Variants in MACROD2 observed in about 807,000 individuals in gnomAD.
MACROD2 encodes mono-ADP ribosylhydrolase 2.
Under a neutral mutation model 70.4 loss-of-function variants are expected in MACROD2, and 36 were observed. That is an observed-to-expected ratio of 0.51 (90% CI 0.39 to 0.68). The LOEUF is 0.68. Ranked by LOEUF, MACROD2 falls within the 30% of genes least tolerant of loss-of-function variation. The pLI is 0.00. For missense variants in MACROD2, 496 were observed against 538.4 expected, an observed-to-expected ratio of 0.92 and a Z score of 0.78; for synonymous variants, 172 against 178.8, an observed-to-expected ratio of 0.96 and a Z score of 0.30.
intron 5 of MACROD2, among the ~76,000 whole-genome samples, chr20:14,926,525 G>A (rs2074234259): frequency 6.6e-6 from 1 of 151,118 alleles, no homozygotes; most frequent in South Asian, 2.1e-4. Flanking sequence ...ACTCCAGCCT[G>A]GTGACAGAGC....
At chr20:15,434,091 T>C (rs867813199) in intron 7 of MACROD2, among the ~76,000 whole-genome samples, 3 of 151,926 alleles carry the variant, frequency 2.0e-5, no homozygotes, top group Non-Finnish European at 4.4e-5. Flanking sequence ...ATAAAAATTC[T>C]GGAAGAAAAC....
intron 4 of MACROD2, among the ~76,000 whole-genome samples, chr20:14,544,034 C>A (rs2085463658): frequency 6.6e-6 from 1 of 152,100 alleles, no homozygotes; most frequent in Non-Finnish European, 1.5e-5. Context: ...AGACATTATC[C>A]CTGCTCTAAA....
chr20:14,246,609 A>G (rs1311647996), intron 3 of MACROD2, among the ~76,000 whole-genome samples: 3 of 152,168 alleles, frequency 2.0e-5, no homozygotes, highest in South Asian at 2.1e-4. Flanking sequence ...ACCTTCCGGA[A>G]TGAGAGATAT....
chr20:15,037,493 A>C (rs575149525), intron 5 of MACROD2, among the ~76,000 whole-genome samples: 2 of 152,306 alleles, frequency 1.3e-5, no homozygotes, highest in South Asian at 4.1e-4. Context: ...TTTGTGGTAC[A>C]ACTCTTTAGG....
intron 4 of MACROD2, among the ~76,000 whole-genome samples, chr20:14,635,342 G>A (rs369350533): frequency 6.6e-6 from 1 of 152,068 alleles, no homozygotes; most frequent in Non-Finnish European, 1.5e-5. Context: ...ACACCCACTA[G>A]CAAAGGTGAC....
chr20:15,784,519 G>C (rs1450686112), intron 8 of MACROD2, among the ~76,000 whole-genome samples: 1 of 152,056 alleles, frequency 6.6e-6, no homozygotes, highest in Admixed American at 6.5e-5. Flanking sequence ...TTGTCAAAGG[G>C]CTGCACAAGA....
chr20:15,322,622 T>G lies in MACROD2; in HGVS notation c.540+92561T>G, dbSNP rs148622739. Among the ~76,000 whole-genome samples, 907 of 144,196 alleles carry G rather than the reference T, an allele frequency of 6.3e-3. 151 individuals are homozygous for G. The highest frequency in any genetic ancestry group is 0.028 in the Middle Eastern group (8 of 286). The allele number at this position is 144,196 out of a possible 152,430, so 94.6% of individuals were successfully genotyped here. On this transcript the variant is annotated intron_variant, in intron 6 of 17. Coordinates refer to ENST00000684519, the MANE Select transcript of MACROD2 (RefSeq NM_001351661.2). ...TTATTCACTTATGGAAAGGAGTGAG[T>G]ATTTTTGGTCAAAGTAATTTAGGTT... is the stretch of plus-strand genomic sequence containing the variant.
intron 4 of MACROD2, among the ~76,000 whole-genome samples, chr20:14,618,656 G>A (rs564129673): frequency 3.3e-5 from 5 of 152,260 alleles, no homozygotes; most frequent in African/African-American, 7.2e-5. Flanking sequence ...GGGTTTCAGC[G>A]TGGGGTGCTG....
intron 10 of MACROD2, among the ~76,000 whole-genome samples, chr20:15,931,516 C>T (rs1451901426): frequency 6.6e-6 from 1 of 151,942 alleles, no homozygotes; most frequent in African/African-American, 2.4e-5. Context: ...GTGGCATGTG[C>T]CTTGTAGACC....
At chr20:15,810,603 C>A (rs372749109) in intron 8 of MACROD2, among the ~76,000 whole-genome samples, 2 of 152,078 alleles carry the variant, frequency 1.3e-5, no homozygotes, top group African/African-American at 2.4e-5. Flanking sequence ...GTTCATATGG[C>A]ACCAAAAAAG....
chr20:14,996,827 C>T (rs1313968529), intron 5 of MACROD2, among the ~76,000 whole-genome samples: 3 of 152,070 alleles, frequency 2.0e-5, no homozygotes, highest in South Asian at 2.1e-4. Flanking sequence ...AAAGGGGAAC[C>T]GTCCACACCA....
At chr20:14,253,396 A>T (rs1282876161) in intron 3 of MACROD2, among the ~76,000 whole-genome samples, 1 of 152,068 alleles carries the variant, frequency 6.6e-6, no homozygotes, top group African/African-American at 2.4e-5. Flanking sequence ...GGCAGAACAT[A>T]GGTGATTAAT....
At chr20:15,794,557 C>T (rs73246120) in intron 8 of MACROD2, among the ~76,000 whole-genome samples, 4,029 of 152,210 alleles carry the variant, frequency 0.026, 109 homozygotes, top group East Asian at 0.07. Context: ...TTTCTCCTTT[C>T]CCCTAAAGAT....
chr20:14,631,647 C>A (rs1390521537), intron 4 of MACROD2, among the ~76,000 whole-genome samples: 1 of 151,998 alleles, frequency 6.6e-6, no homozygotes, highest in Non-Finnish European at 1.5e-5. Context: ...TGGTGGCGGG[C>A]GCCTGTAGTC....
chr20:15,632,486 T>C (rs1298263321), intron 8 of MACROD2, among the ~76,000 whole-genome samples: 2 of 152,134 alleles, frequency 1.3e-5, no homozygotes, highest in African/African-American at 2.4e-5. Context: ...TTGTGATATA[T>C]ACAAAATCAA....
At chr20:15,378,789 T>G (rs1011398500) in intron 6 of MACROD2, among the ~76,000 whole-genome samples, 1 of 152,180 alleles carries the variant, frequency 6.6e-6, no homozygotes, top group Non-Finnish European at 1.5e-5. Context: ...CATAAGAATT[T>G]TTTTTCAACC....
At chr20:15,189,123 A>T (rs1211337797) in intron 5 of MACROD2, among the ~76,000 whole-genome samples, 1 of 152,160 alleles carries the variant, frequency 6.6e-6, no homozygotes, top group Non-Finnish European at 1.5e-5. Context: ...TTGAGAGCTA[A>T]TCCATGATTT....
intron 8 of MACROD2, among the ~76,000 whole-genome samples, chr20:15,524,152 T>C (rs2047688937): frequency 6.6e-6 from 1 of 152,276 alleles, no homozygotes; most frequent in East Asian, 1.9e-4. Context: ...ACCGAGGTCC[T>C]TGTTCTCTCT....
chr20:15,003,968 CAGA>C (rs1470758747), intron 5 of MACROD2, among the ~76,000 whole-genome samples: 1 of 152,128 alleles, frequency 6.6e-6, no homozygotes, highest in Non-Finnish European at 1.5e-5. Flanking sequence ...TGGCCCCACC[CAGA>C]AGGTGTTCAG....
Sources: allele counts gnomAD v4.1 joint callset (sites outside exome capture counted in the v4.1 genomes callset), GRCh38; gene constraint gnomAD v4.1.1; transcripts MANE v1.5; gene names NCBI Gene and HGNC (gene_info 2026-07-23, HGNC 2026-07-21).